The following CHD5 variants were observed in gnomAD, a reference collection of about 807,000 sequenced individuals.
CHD5 encodes the protein chromodomain helicase DNA binding protein 5.
In CHD5, 69 loss-of-function variants were observed where a neutral mutation model predicts 230.3. That is an observed-to-expected ratio of 0.30 (90% CI 0.25 to 0.37). CHD5 has a LOEUF of 0.37. Among genes scored for constraint, CHD5 ranks in the 10% least tolerant of loss-of-function variants. The pLI is 1.00. For synonymous variants in CHD5, 1,064 were observed against 1,065.9 expected, an observed-to-expected ratio of 1.00 and a Z score of 0.03; for missense variants, 1,827 against 2,622.8, an observed-to-expected ratio of 0.70 and a Z score of 6.63.
chr1:6,133,118 G>A (rs1666684621), intron 20 of CHD5, among the ~76,000 whole-genome samples: 1 of 152,192 alleles, frequency 6.6e-6, no homozygotes, highest in African/African-American at 2.4e-5. Flanking sequence ...ATTCACTTTT[G>A]TATGGGTTTG....
chr1:6,124,221 C>T, intron 30 of CHD5, 114 bp from the exon 31 acceptor site: 2 of 1,061,766 alleles, frequency 1.9e-6, no homozygotes, highest in Non-Finnish European at 1.4e-6. Flanking sequence ...CTTGGGGTAG[C>T]TGCTACCTCC....
At chr1:6,145,432 G>A (rs534542642) in intron 11 of CHD5, among the ~76,000 whole-genome samples, 1 of 152,232 alleles carries the variant, frequency 6.6e-6, no homozygotes, top group Non-Finnish European at 1.5e-5. Context: ...CTGCCACCAG[G>A]CAGCAGGTAC....
At position 6,104,957 on chromosome 1, in the gene CHD5, G is replaced by A. The variant is rs758539417; in HGVS notation, c.*517C>T. The A allele has an allele frequency of 4.6e-5, 9 of 194,684 alleles. No individual in the cohort carries two copies. Among genetic ancestry groups the A allele is most frequent in the Non-Finnish European group, 8.5e-5 (8 of 94,248 alleles). 12.1% of individuals were successfully genotyped at this position (194,684 alleles called of 1,614,324 possible). A position where few individuals can be genotyped will look rare whatever the true frequency, so the allele number is the denominator to read the frequency against. Reference sequence around the variant, plus strand: ...ACACAGGTGCAGACAGGTCAGGTAGGGGACACTGAGGGCTCCTAGGGCACC... The same window carrying A: ...ACACAGGTGCAGACAGGTCAGGTAGAGGACACTGAGGGCTCCTAGGGCACC... On this transcript the variant is annotated 3_prime_UTR_variant, in exon 42 of 42. Transcript: ENST00000262450.
intron 15 of CHD5, among the ~76,000 whole-genome samples, chr1:6,139,945 C>T (rs1262986390): frequency 6.6e-6 from 1 of 152,126 alleles, no homozygotes. Flanking sequence ...AGTTTCCGAG[C>T]ATCTCTAAGA....
At chr1:6,106,338 C>T in intron 40 of CHD5, 51 bp from the exon 41 acceptor site, 1 of 1,612,204 alleles carries the variant, frequency 6.2e-7, no homozygotes, top group Non-Finnish European at 8.5e-7. Context: ...CAGCAGCAGG[C>T]AGGCCGGGCC....
chr1:6,161,019 G>A (rs577261218), intron 2 of CHD5, among the ~76,000 whole-genome samples: 58 of 152,322 alleles, frequency 3.8e-4, no homozygotes, highest in African/African-American at 1.3e-3. Context: ...AACTGTTTTC[G>A]GGGTGAGCAA....
At chr1:6,168,341 C>T (rs1230198491) in intron 1 of CHD5, 64 bp from the exon 2 acceptor site, 11 of 1,519,034 alleles carry the variant, frequency 7.2e-6, no homozygotes, top group African/African-American at 1.4e-5. Flanking sequence ...CCTGGAGACA[C>T]AGAGCCAGCC....
rs992325688 is a variant in CHD5 at position 6,126,253 on chromosome 1, C to T, written c.4078+319G>A. On this transcript the variant is annotated intron_variant, in intron 26 of 41. Coordinates refer to ENST00000262450, the MANE Select transcript of CHD5 (RefSeq NM_015557.3). The surrounding 1 kb of genome is among the most constrained non-coding windows in gnomAD (Gnocchi z 5.7). ...CCCAGCGTTCCTGGCCCCCACCTCC[C>T]GGGGGGGTCCTGCACAGGGATGCCC... Among the ~76,000 whole-genome samples the T allele has an allele frequency of 6.6e-6, 1 of 151,278 alleles. No homozygotes were observed. Among genetic ancestry groups the T allele is most frequent in the African/African-American group, 2.4e-5 (1 of 41,118 alleles).
At chr1:6,145,708 T>G (rs1666898520) in intron 11 of CHD5, among the ~76,000 whole-genome samples, 2 of 152,184 alleles carry the variant, frequency 1.3e-5, no homozygotes, top group Admixed American at 1.3e-4. Flanking sequence ...TCAGAAAGCA[T>G]GGGGTTCAAA....
chr1:6,121,220 C>G lies in CHD5; in HGVS notation c.4797G>C (p.Leu1599Phe). ...PLEVQALPAALDRVESEDKHE... is the reference protein window; with the variant it reads ...PLEVQALPAAFDRVESEDKHE... Reference sequence around the variant, plus strand: ...GCTTGTCCTCACTCTCCACTCTATCCAAGGCGGCTGGAAGGGCCTGCAGAG... The same window carrying G: ...GCTTGTCCTCACTCTCCACTCTATCGAAGGCGGCTGGAAGGGCCTGCAGAG... The change falls in exon 33 of 42, where the codon TTG becomes TTC. Residue 1599 changes from leucine (L) to phenylalanine (F), a missense_variant. This residue lies in a region of CHD5 where 272 missense variants were observed against 263.2 expected (regional missense o/e 1.03). Coordinates refer to ENST00000262450, the MANE Select transcript of CHD5 (RefSeq NM_015557.3). This position sits in a 1 kb window ranked among gnomAD's most constrained non-coding sequence, Gnocchi z 4.5. 6.2e-7 allele frequency: 1 copy of G among 1,612,576 alleles called. No individual in the cohort carries two copies. Among genetic ancestry groups the G allele is most frequent in the Non-Finnish European group, 8.5e-7 (1 of 1,179,524 alleles).
Position 6,101,995 on chromosome 1 carries a change from T to C in CHD5, c.*3479A>G, listed in dbSNP as rs1248795899. ...CCTGGCTGGGACTCCTGGCGCGCCT[T>C]GCACCCAGCCCAGGGCCCTCCCTTT... On this transcript the variant is annotated 3_prime_UTR_variant, in exon 42 of 42. Transcript: ENST00000262450. 4 of 402,622 alleles carry C rather than the reference T, an allele frequency of 9.9e-6. No homozygotes were observed. Among genetic ancestry groups the C allele is most frequent in the Non-Finnish European group, 2.0e-5 (4 of 200,138 alleles). The allele number at this position is 402,622 out of a possible 1,614,324, so 24.9% of individuals were successfully genotyped here.
chr1:6,128,112 C>A lies in CHD5; in HGVS notation c.3837G>T (p.Gln1279His). Residue 1279 changes from glutamine to histidine, a missense_variant, in exon 25 of 42, where the codon CAG becomes CAT. Around this residue, in one of 14 missense-constraint regions of CHD5, gnomAD observed 137 missense variants for 272.7 expected, o/e 0.50. Transcript: ENST00000262450. The surrounding 1 kb of genome is among the most constrained non-coding windows in gnomAD (Gnocchi z 7.8). ...AGGAGCTCAGGTACTCGTTCATGTT[C>A]TGTAGCTCCGTGTCATCTGTAGCGT... ...NQDATDDTEL[Q>H]NMNEYLSSFK... The A allele has an allele frequency of 6.2e-7, 1 of 1,614,048 alleles. No homozygotes were observed. The highest frequency in any genetic ancestry group is 8.5e-7 in the Non-Finnish European group (1 of 1,179,990).
chr1:6,180,317 G>C lies in CHD5; in HGVS notation c.-294C>G, dbSNP rs973401897. Among the ~76,000 whole-genome samples the C allele has an allele frequency of 6.6e-6, 1 of 151,330 alleles. No homozygotes were observed. The highest frequency in any genetic ancestry group is 1.5e-5 in the Non-Finnish European group (1 of 67,792). On this transcript the variant is annotated 5_prime_UTR_variant, in exon 1 of 42. Transcript: ENST00000262450. ...GCGGCGGCAGCGCCAGAGGCACGGC[G>C]GCACGGCGGGGGGGCGGCACACATG...
Position 6,155,465 on chromosome 1 carries a change from C to T in CHD5, c.506+134G>A. ...GGTCCTGCCCCCTCCCTCCAGCTCC[C>T]CCAGGTTGCTCAGTCGGTCTGACAG... is the stretch of plus-strand genomic sequence containing the variant. On this transcript the variant is annotated intron_variant, in intron 4 of 41. Coordinates refer to ENST00000262450, the MANE Select transcript of CHD5 (RefSeq NM_015557.3). The surrounding 1 kb of genome is among the most constrained non-coding windows in gnomAD (Gnocchi z 4.0). 1 of 707,118 alleles carries T rather than the reference C, an allele frequency of 1.4e-6. No homozygotes were observed. Among genetic ancestry groups the T allele is most frequent in the Non-Finnish European group, 2.5e-6 (1 of 405,798 alleles). 43.8% of individuals were successfully genotyped at this position (707,118 alleles called of 1,614,324 possible).
At position 6,137,659 on chromosome 1, in the gene CHD5, G is replaced by A. The variant is rs1191373145; in HGVS notation, c.2437-794C>T. 5.3e-5 allele frequency among the ~76,000 whole-genome samples: 8 copies of A among 152,362 alleles called. No homozygotes were observed. The East Asian group carries it at 1.5e-3, about 29-fold the overall frequency. ...TTTATCCCCATTTAAAGCTCAGGGG[G>A]CCTCAGGCTGGAGCACTCTCCCAGG... On this transcript the variant is annotated intron_variant, in intron 15 of 41. Coordinates refer to ENST00000262450, the MANE Select transcript of CHD5 (RefSeq NM_015557.3).
At chr1:6,162,755 C>A (rs970569474) in intron 2 of CHD5, among the ~76,000 whole-genome samples, 1 of 152,226 alleles carries the variant, frequency 6.6e-6, no homozygotes, top group Admixed American at 6.5e-5. Flanking sequence ...CAAGCTCACC[C>A]CCACATTTTT....
chr1:6,158,747 C>T (rs559091007), intron 3 of CHD5, among the ~76,000 whole-genome samples: 5 of 152,234 alleles, frequency 3.3e-5, no homozygotes, highest in Middle Eastern at 3.4e-3. Context: ...GTGGCTCACA[C>T]CTGTAATCCC....
chr1:6,140,967 A>AAATAATAATAATAATAATAATAAT lies in CHD5; in HGVS notation c.2436+1137_2436+1160dup, dbSNP rs60543576. Among the ~76,000 whole-genome samples the AAATAATAATAATAATAATAATAAT allele has an allele frequency of 5.5e-3, 776 of 139,902 alleles. 6 individuals carry two copies. Among genetic ancestry groups the AAATAATAATAATAATAATAATAAT allele is most frequent in the African/African-American group, 0.019 (725 of 37,388 alleles). The allele number at this position is 139,902 out of a possible 152,430, so 91.8% of individuals were successfully genotyped here. A position where few individuals can be genotyped will look rare whatever the true frequency, so the allele number is the denominator to read the frequency against. On this transcript the variant is annotated intron_variant, in intron 15 of 41. Transcript: ENST00000262450. ...GGTGACAGAGCGAGACCCTGTCTCA[A>AAATAATAATAATAATAATAATAAT]AATAATAATAATAATAATAATAATA...
rs1280239560 is a variant in CHD5, at chr1:6,136,032, A to C, written c.2696+485T>G. Among the ~76,000 whole-genome samples, 11 of 115,032 alleles carry C rather than the reference A, an allele frequency of 9.6e-5. No individual in the cohort carries two copies. The South Asian group carries it at 4.3e-3, about 45-fold the overall frequency. The allele number at this position is 115,032 out of a possible 152,430, so 75.5% of individuals were successfully genotyped here. On this transcript the variant is annotated intron_variant, in intron 17 of 41. Coordinates refer to ENST00000262450, the MANE Select transcript of CHD5 (RefSeq NM_015557.3). ...CTTTTAATAAAAAAAAACAACAAAA[A>C]AAAAAAACACTGCATCTCCTGATTC...
Sources: gnomAD v4.1 joint callset for allele counts (sites outside exome capture counted in the v4.1 genomes callset) on GRCh38, gnomAD v4.1.1 for gene constraint, gnomAD v4.1.1 regional missense constraint, Gnocchi (gnomAD v3.1) non-coding constraint, MANE v1.5 for transcripts, NCBI Gene and HGNC (gene_info 2026-07-23, HGNC 2026-07-21) for gene names.